The following XRCC4 variants were observed in gnomAD, a reference collection of about 807,000 sequenced individuals.
XRCC4 encodes the protein DNA repair protein XRCC4.
Under a neutral mutation model 39.1 loss-of-function variants are expected in XRCC4, and 28 were observed. The ratio of observed to expected loss-of-function variants is 0.72; its 90% CI spans 0.53 to 0.98. The LOEUF is 0.98. Among genes scored for constraint, XRCC4 ranks in the 50% least tolerant of loss-of-function variants. The probability of loss-of-function intolerance (pLI) is 0.00; values close to 1 mark genes in which losing one functional copy is unlikely to be tolerated. For synonymous variants in XRCC4, 123 were observed against 126.4 expected (o/e 0.97, Z 0.18); for missense variants, 350 against 376.4 (o/e 0.93, Z 0.58).
intron 3 of XRCC4, among the ~76,000 whole-genome samples, chr5:83,143,830 T>G (rs1468807778): frequency 6.6e-6 from 1 of 152,152 alleles, no homozygotes; most frequent in East Asian, 1.9e-4. Context: ...TTGTTTTTCC[T>G]TGACTGCTTT....
intron 4 of XRCC4, 43 bp downstream of exon 4, chr5:83,195,979 C>T: frequency 6.6e-7 from 1 of 1,511,898 alleles, no homozygotes; most frequent in Non-Finnish European, 8.9e-7. Context: ...ACGGAGCCCT[C>T]TTTATGTTGT....
In XRCC4 at chr5:83,138,833, T is replaced by C. The variant is rs16900185; in HGVS notation, c.315+27630T>C. ...CTCGTAGTGACTAGAACAATGATGG[T>C]GGATTATAGTGATGTTTTCTGGCTT... is the stretch of plus-strand genomic sequence containing the variant. On this transcript the variant is annotated intron_variant, in intron 3 of 7. Coordinates refer to ENST00000396027, the MANE Select transcript of XRCC4 (RefSeq NM_003401.5). 7.7e-3 allele frequency among the ~76,000 whole-genome samples: 1,168 copies of C among 152,224 alleles called. 12 individuals are homozygous for C. Among genetic ancestry groups the C allele is most frequent in the African/African-American group, 0.026 (1,094 of 41,550 alleles).
At chr5:83,149,356 A>G (rs984901206) in intron 3 of XRCC4, among the ~76,000 whole-genome samples, 2 of 151,928 alleles carry the variant, frequency 1.3e-5, no homozygotes, top group Admixed American at 1.3e-4. Flanking sequence ...GGTCTACAAT[A>G]TTTAGGTTTT....
chr5:83,132,446 A>G (rs1000063895), intron 3 of XRCC4, among the ~76,000 whole-genome samples: 1 of 151,970 alleles, frequency 6.6e-6, no homozygotes, highest in Admixed American at 6.6e-5. Flanking sequence ...AGGTTGGGGA[A>G]GTTTTCCTGG....
At chr5:83,226,391 A>G (rs754547266) in intron 6 of XRCC4, among the ~76,000 whole-genome samples, 3 of 152,048 alleles carry the variant, frequency 2.0e-5, no homozygotes, top group Non-Finnish European at 4.4e-5. Flanking sequence ...AGAGAGCATC[A>G]TACGTTTCTT....
At chr5:83,137,039 A>T (rs2112504296) in intron 3 of XRCC4, among the ~76,000 whole-genome samples, 2 of 152,326 alleles carry the variant, frequency 1.3e-5, no homozygotes, top group East Asian at 3.9e-4. Flanking sequence ...GACATAGATC[A>T]AGTCATCAAG....
intron 3 of XRCC4, among the ~76,000 whole-genome samples, chr5:83,162,669 A>G (rs1166335213): frequency 6.6e-6 from 1 of 152,294 alleles, no homozygotes; most frequent in East Asian, 1.9e-4. Flanking sequence ...TTCTATGTGA[A>G]TACAGTTATT....
chr5:83,341,926 C>T (rs991956162), intron 7 of XRCC4, among the ~76,000 whole-genome samples: 3 of 152,170 alleles, frequency 2.0e-5, no homozygotes, highest in Non-Finnish European at 4.4e-5. Flanking sequence ...GTCCCCCCAA[C>T]TGGAGAGGCT....
At chr5:83,278,346 G>A (rs186954656) in intron 7 of XRCC4, among the ~76,000 whole-genome samples, 1 of 152,260 alleles carries the variant, frequency 6.6e-6, no homozygotes, top group East Asian at 1.9e-4. Context: ...TAGTAAGAAA[G>A]ACTTTTCTTT....
At position 83,291,345 on chromosome 5, in the gene XRCC4, A is replaced by G. The variant is rs530349921; in HGVS notation, c.893+32668A>G. 7.2e-5 allele frequency among the ~76,000 whole-genome samples: 11 copies of G among 152,014 alleles called. No individual in the cohort carries two copies. In the South Asian group the frequency reaches 2.1e-3, roughly 29 times the overall value. ...AGAGCACTTTCAGCTCATAAATTGTATAATTCTATGTCACAATCCACACTG... is the reference window on the plus strand; with the variant it reads ...AGAGCACTTTCAGCTCATAAATTGTGTAATTCTATGTCACAATCCACACTG... On this transcript the variant is annotated intron_variant, in intron 7 of 7. Transcript: ENST00000396027.
chr5:83,108,403 G>GT (rs896345201), intron 2 of XRCC4, among the ~76,000 whole-genome samples: 9 of 151,406 alleles, frequency 5.9e-5, no homozygotes, highest in African/African-American at 1.5e-4. Flanking sequence ...CCTTTCATAC[G>GT]TTTTTTTCTC....
chr5:83,146,613 C>A (rs1385015139), intron 3 of XRCC4, among the ~76,000 whole-genome samples: 1 of 152,148 alleles, frequency 6.6e-6, no homozygotes, highest in Non-Finnish European at 1.5e-5. Context: ...GGGACAGGAG[C>A]TCTCTCATTT....
At chr5:83,205,437 GACTT>G (rs1464567302) in intron 6 of XRCC4, among the ~76,000 whole-genome samples, 1 of 148,742 alleles carries the variant, frequency 6.7e-6, no homozygotes, top group African/African-American at 2.5e-5. Flanking sequence ...AAGTACCTAT[GACTT>G]ACTCAGTCCT....
chr5:83,347,793 C>T (rs527323143), intron 7 of XRCC4, among the ~76,000 whole-genome samples: 2 of 152,172 alleles, frequency 1.3e-5, no homozygotes, highest in African/African-American at 2.4e-5. Context: ...TCCAAGGTCT[C>T]ATGTGAGACA....
rs540919543 is a variant in XRCC4, at chr5:83,272,017, TG to T, written c.893+13341del. Among the ~76,000 whole-genome samples, 82 of 152,288 alleles carry T rather than the reference TG, an allele frequency of 5.4e-4. 2 individuals are homozygous for T. The highest frequency in any genetic ancestry group is 1.9e-3 in the African/African-American group (79 of 41,564). On this transcript the variant is annotated intron_variant, in intron 7 of 7. Transcript: ENST00000396027. ...GTTGATCCTGGGGTGCTGGACCAATTGAAATTTGTGTAACATGCTGGACTAT... is the reference window on the plus strand; with the variant it reads ...GTTGATCCTGGGGTGCTGGACCAATTAAATTTGTGTAACATGCTGGACTAT...
chr5:83,112,777 C>CGT (rs1746506076), intron 3 of XRCC4, among the ~76,000 whole-genome samples: 1 of 151,790 alleles, frequency 6.6e-6, no homozygotes, highest in Non-Finnish European at 1.5e-5. Context: ...CATTAGATCT[C>CGT]ATGAGACTTA....
At chr5:83,166,636 T>C (rs912183858) in intron 3 of XRCC4, among the ~76,000 whole-genome samples, 1 of 151,060 alleles carries the variant, frequency 6.6e-6, no homozygotes, top group South Asian at 2.1e-4. Flanking sequence ...GCTAATTTTT[T>C]TTTTTTTTTT....
At chr5:83,289,242 G>C (rs1207523520) in intron 7 of XRCC4, among the ~76,000 whole-genome samples, 1 of 151,706 alleles carries the variant, frequency 6.6e-6, no homozygotes, top group African/African-American at 2.4e-5. Context: ...CTGATGACTT[G>C]AACATCTGTG....
At chr5:83,279,190 C>CA (rs1253622196) in intron 7 of XRCC4, among the ~76,000 whole-genome samples, 1 of 150,758 alleles carries the variant, frequency 6.6e-6, no homozygotes. Context: ...GTGCTGGATA[C>CA]ATATCAATCA....
Sources: gnomAD v4.1 joint callset for allele counts (sites outside exome capture counted in the v4.1 genomes callset) on GRCh38, gnomAD v4.1.1 for gene constraint, MANE v1.5 for transcripts, NCBI Gene and HGNC (gene_info 2026-07-23, HGNC 2026-07-21) for gene names.